The following GRIN2A variants were observed in gnomAD, a reference collection of about 807,000 sequenced individuals.
GRIN2A encodes glutamate ionotropic receptor NMDA type subunit 2A, also known as glutamate receptor ionotropic, NMDA 2A.
A neutral mutation model predicts 113.4 loss-of-function variants in GRIN2A; 22 were observed. The ratio of observed to expected loss-of-function variants is 0.19; its 90% CI spans 0.14 to 0.28. The LOEUF (loss-of-function observed/expected upper bound fraction) is 0.28. GRIN2A is among the 10% of genes least tolerant of loss of function. The pLI is 1.00. For synonymous variants in GRIN2A, 827 were observed against 738.4 expected, an observed-to-expected ratio of 1.12 and a Z score of -1.94; for missense variants, 1,502 against 1,887.0, an observed-to-expected ratio of 0.80 and a Z score of 3.78.
At chr16:9,841,246 G>A in intron 5 of GRIN2A, 142 bp from the exon 6 acceptor site, 1 of 727,362 alleles carries the variant, frequency 1.4e-6, no homozygotes, top group Non-Finnish European at 2.5e-6. Flanking sequence ...CACACTGTGA[G>A]TACATGACAG....
chr16:10,081,199 T>C (rs2047973441), intron 2 of GRIN2A, among the ~76,000 whole-genome samples: 1 of 152,220 alleles, frequency 6.6e-6, no homozygotes, highest in Non-Finnish European at 1.5e-5. Flanking sequence ...CTGCTACGCC[T>C]TCCCACACTT....
At chr16:10,100,946 C>A (rs1419960885) in intron 2 of GRIN2A, among the ~76,000 whole-genome samples, 1 of 152,184 alleles carries the variant, frequency 6.6e-6, no homozygotes, top group Non-Finnish European at 1.5e-5. Flanking sequence ...ATCCGATCTG[C>A]CTTCAAAAAA....
intron 4 of GRIN2A, among the ~76,000 whole-genome samples, chr16:9,870,080 CTA>C (rs760916980): frequency 1.3e-4 from 20 of 152,282 alleles, no homozygotes; most frequent in Admixed American, 2.6e-4. Context: ...TTACGGCTCT[CTA>C]TTTTGGATAG....
chr16:10,071,710 G>C (rs2047753578), intron 2 of GRIN2A, among the ~76,000 whole-genome samples: 1 of 152,186 alleles, frequency 6.6e-6, no homozygotes, highest in Non-Finnish European at 1.5e-5. Context: ...TTTGGGCACA[G>C]TACCTGGCTG....
chr16:10,083,565 C>T lies in GRIN2A; in HGVS notation c.414+96433G>A, dbSNP rs115196020. 5.8e-3 allele frequency among the ~76,000 whole-genome samples: 888 copies of T among 152,336 alleles called. 12 individuals are homozygous for T. The highest frequency in any genetic ancestry group is 0.02 in the African/African-American group (830 of 41,574). ...CTCTCTCTACCCTCTTCCCCTGCTA[C>T]TCCTGTCTGCATCCTGGACTGAACT... On this transcript the variant is annotated intron_variant, in intron 2 of 12. Transcript: ENST00000330684.
At chr16:9,838,028 T>G (rs2042611085) in intron 7 of GRIN2A, among the ~76,000 whole-genome samples, 1 of 152,196 alleles carries the variant, frequency 6.6e-6, no homozygotes, top group Non-Finnish European at 1.5e-5. Context: ...TTAGTCAATA[T>G]TTCACTGAAG....
intron 2 of GRIN2A, among the ~76,000 whole-genome samples, chr16:10,036,039 T>C (rs2141941675): frequency 6.6e-6 from 1 of 152,312 alleles, no homozygotes; most frequent in African/African-American, 2.4e-5. Context: ...AATGGATTTC[T>C]ATGGAATTTA....
rs182938992 is a variant in GRIN2A at position 10,147,261 on chromosome 16, G to A, written c.414+32737C>T. 7.9e-5 allele frequency among the ~76,000 whole-genome samples: 12 copies of A among 151,980 alleles called. No homozygotes were observed. In the East Asian group the frequency reaches 1.9e-3, roughly 25 times the overall value. ...AGCAAATAATTGTCTGGCCCATAAC[G>A]TCACGTTCAAAGACTGAGAAACCCT... On this transcript the variant is annotated intron_variant, in intron 2 of 12. Coordinates refer to ENST00000330684, the MANE Select transcript of GRIN2A (RefSeq NM_001134407.3).
intron 2 of GRIN2A, among the ~76,000 whole-genome samples, chr16:10,128,920 TACC>T (rs1183420786): frequency 1.3e-5 from 2 of 152,224 alleles, no homozygotes; most frequent in Non-Finnish European, 2.9e-5. Context: ...TAGTATTTCT[TACC>T]ATGGCAGTTT....
At position 10,078,573 on chromosome 16, in the gene GRIN2A, G is replaced by A. The variant is rs118182419; in HGVS notation, c.414+101425C>T. On this transcript the variant is annotated intron_variant, in intron 2 of 12. Coordinates refer to ENST00000330684, the MANE Select transcript of GRIN2A (RefSeq NM_001134407.3). ...ACCTGGCAGGCCCCCAGCCCCTGGG[G>A]GCAGGAGAAGCCAGGCCACGTAGTC... Among the ~76,000 whole-genome samples, 376 of 152,222 alleles carry A rather than the reference G, an allele frequency of 2.5e-3. 11 individuals are homozygous for A. In the East Asian group the frequency reaches 0.054, roughly 22 times the overall value.
At position 9,760,271 on chromosome 16, in the gene GRIN2A, G is replaced by A. The variant is rs763997430; in HGVS notation, c.*2878C>T. 14 of 222,158 alleles carry A rather than the reference G, an allele frequency of 6.3e-5. No homozygotes were observed. The highest frequency in any genetic ancestry group is 2.6e-4 in the East Asian group (4 of 15,372). 13.8% of individuals were successfully genotyped at this position (222,158 alleles called of 1,614,324 possible). On this transcript the variant is annotated 3_prime_UTR_variant, in exon 13 of 13. Transcript: ENST00000330684. ...CTGTGGGTTCCATTTACCACTGGAC[G>A]TTACATTCCTGATATTCTTTTTGCA...
intron 2 of GRIN2A, among the ~76,000 whole-genome samples, chr16:10,013,964 A>G (rs965069999): frequency 6.6e-6 from 1 of 152,214 alleles, no homozygotes; most frequent in Non-Finnish European, 1.5e-5. Context: ...GTCTGGGTCA[A>G]GCTCCTCTGT....
At chr16:10,127,763 C>T (rs748865692) in intron 2 of GRIN2A, among the ~76,000 whole-genome samples, 6 of 152,182 alleles carry the variant, frequency 3.9e-5, no homozygotes, top group East Asian at 1.9e-4. Context: ...CCGCTATCTA[C>T]GTAAGTCATC....
chr16:9,846,150 A>T (rs557828730), intron 5 of GRIN2A, among the ~76,000 whole-genome samples: 93 of 152,320 alleles, frequency 6.1e-4, no homozygotes, highest in Non-Finnish European at 8.1e-4. Flanking sequence ...ATCATGATGA[A>T]TTATGAATCA....
chr16:9,983,512 T>C (rs1412779239), intron 2 of GRIN2A, among the ~76,000 whole-genome samples: 1 of 150,932 alleles, frequency 6.6e-6, no homozygotes, highest in Non-Finnish European at 1.5e-5. Flanking sequence ...TGATCTCAGC[T>C]CACTGCAAGC....
At chr16:10,050,041 C>T (rs1430733442) in intron 2 of GRIN2A, among the ~76,000 whole-genome samples, 1 of 152,158 alleles carries the variant, frequency 6.6e-6, no homozygotes, top group Non-Finnish European at 1.5e-5. Flanking sequence ...TACCAAGAAC[C>T]TGTGAATATG....
At chr16:9,905,309 T>C (rs775990109) in intron 3 of GRIN2A, among the ~76,000 whole-genome samples, 10 of 152,226 alleles carry the variant, frequency 6.6e-5, no homozygotes, top group Non-Finnish European at 8.8e-5. Context: ...ATCAGAATAC[T>C]GGTTAATCTT....
At chr16:9,895,919 T>C (rs1358629288) in intron 3 of GRIN2A, among the ~76,000 whole-genome samples, 2 of 152,146 alleles carry the variant, frequency 1.3e-5, no homozygotes, top group African/African-American at 4.8e-5. Flanking sequence ...TATCAAGAAA[T>C]TTGGAAATAT....
At chr16:10,063,220 T>A (rs1391972760) in intron 2 of GRIN2A, among the ~76,000 whole-genome samples, 1 of 152,176 alleles carries the variant, frequency 6.6e-6, no homozygotes, top group African/African-American at 2.4e-5. Flanking sequence ...GGGATGATGA[T>A]AAGTGTGAGG....
Sources: gnomAD v4.1 joint callset for allele counts (sites outside exome capture counted in the v4.1 genomes callset) on GRCh38, gnomAD v4.1.1 for gene constraint, MANE v1.5 for transcripts, NCBI Gene and HGNC (gene_info 2026-07-23, HGNC 2026-07-21) for gene names.